The following IL12RB1 variants were observed in gnomAD, a reference collection of about 807,000 sequenced individuals.
IL12RB1 encodes interleukin-12 receptor subunit beta-1.
Under a neutral mutation model 94.4 loss-of-function variants are expected in IL12RB1, and 64 were observed. That is an observed-to-expected ratio of 0.68 (90% CI 0.55 to 0.83). The LOEUF (loss-of-function observed/expected upper bound fraction) is 0.83. Ranked by LOEUF, IL12RB1 falls within the 40% of genes least tolerant of loss-of-function variation. The pLI is 0.00. For missense variants in IL12RB1, 814 were observed against 855.6 expected (o/e 0.95, Z 0.61); for synonymous variants, 362 against 355.5 (o/e 1.02, Z -0.21).
intron 13 of IL12RB1, among the ~76,000 whole-genome samples, 153 bp from the exon 14 acceptor site, chr19:18,062,430 C>T (rs538881173): frequency 3.9e-5 from 6 of 152,104 alleles, no homozygotes; most frequent in African/African-American, 7.2e-5. Context: ...CCCACCTGCC[C>T]GGTAGCTGTC....
intron 4 of IL12RB1, 137 bp downstream of exon 4, chr19:18,080,695 C>T (rs927095600): frequency 8.1e-6 from 6 of 742,576 alleles, no homozygotes; most frequent in South Asian, 1.4e-5. Context: ...ATAGTGTTTG[C>T]GTGACACTAC....
In IL12RB1 at chr19:18,083,379, G is replaced by T. The variant is rs932691291; in HGVS notation, c.124+53C>A. The T allele has an allele frequency of 5.8e-6, 9 of 1,550,440 alleles. No individual in the cohort carries two copies. In the East Asian group the frequency reaches 1.3e-4, roughly 23 times the overall value. On this transcript the variant is annotated intron_variant, in intron 2 of 16. Coordinates refer to ENST00000593993, the MANE Select transcript of IL12RB1 (RefSeq NM_005535.3). Reference sequence around the variant, plus strand: ...CATGGGAGGGGCCGCTGTGGATGGGGTCAGGCAGAGCCCTACATAATCCTC... The same window carrying T: ...CATGGGAGGGGCCGCTGTGGATGGGTTCAGGCAGAGCCCTACATAATCCTC...
At chr19:18,059,686 A>G (rs1039912795) in intron 16 of IL12RB1, 73 bp from the exon 17 acceptor site, 39 of 776,862 alleles carry the variant, frequency 5.0e-5, no homozygotes, top group Non-Finnish European at 8.4e-5. Flanking sequence ...ATGTGAGTGG[A>G]TGGAATGGGC....
intron 13 of IL12RB1, among the ~76,000 whole-genome samples, chr19:18,062,662 C>T (rs17878350): frequency 0.16 from 23,685 of 151,912 alleles, 2,083 homozygotes; most frequent in South Asian, 0.32. Context: ...ATCCCAGCTA[C>T]TTGGGAGGGT....
intron 6 of IL12RB1, 59 bp downstream of exon 6, chr19:18,076,238 G>T: frequency 1.2e-6 from 1 of 856,216 alleles, no homozygotes; most frequent in Non-Finnish European, 2.0e-6. Context: ...CATACAGTAG[G>T]TGCTCAATTA....
chr19:18,072,407 G>A, intron 8 of IL12RB1, 58 bp from the exon 9 acceptor site: 1 of 1,086,374 alleles, frequency 9.2e-7, no homozygotes, highest in South Asian at 1.3e-5. Flanking sequence ...CATCCCATAG[G>A]CAGACAGCAG....
intron 9 of IL12RB1, among the ~76,000 whole-genome samples, chr19:18,071,660 T>C (rs961213725): frequency 2.6e-5 from 4 of 152,016 alleles, no homozygotes; most frequent in Non-Finnish European, 5.9e-5. Context: ...AACTGCATTA[T>C]GGATCTTGAT....
At chr19:18,084,660 GCCAT>G (rs61207801) in intron 1 of IL12RB1, among the ~76,000 whole-genome samples, 4,414 of 48,880 alleles carry the variant, frequency 0.09, 181 homozygotes, top group African/African-American at 0.24. Flanking sequence ...TATCCATCCA[GCCAT>G]CCATCCATCC....
upstream of IL12RB1, among the ~76,000 whole-genome samples, chr19:18,091,795 TC>T: frequency 6.6e-6 from 1 of 151,896 alleles, no homozygotes; most frequent in African/African-American, 2.4e-5. Context: ...CCTCCCAGTT[TC>T]AAGCTATCCT....
chr19:18,071,277 C>T (rs1305168852), intron 9 of IL12RB1: 1 of 510,730 alleles, frequency 2.0e-6, no homozygotes, highest in Non-Finnish European at 3.5e-6. Context: ...GAGGCTGAAG[C>T]AGGAGAATCT....
chr19:18,093,928 A>ATG (rs1383627830), intron 1 of IL12RB1, among the ~76,000 whole-genome samples: 2 of 152,120 alleles, frequency 1.3e-5, no homozygotes, highest in Non-Finnish European at 2.9e-5. Context: ...GCTTCCCTCC[A>ATG]TGTGGCCAAG....
chr19:18,060,541 G>A (rs1348646069), intron 15 of IL12RB1, among the ~76,000 whole-genome samples: 1 of 152,038 alleles, frequency 6.6e-6, no homozygotes, highest in South Asian at 2.1e-4. Context: ...CTCTTAGGAA[G>A]AGCACTCCCA....
chr19:18,082,124 T>C, intron 3 of IL12RB1, 26 bp downstream of exon 3: 2 of 1,406,966 alleles, frequency 1.4e-6, no homozygotes, highest in Non-Finnish European at 2.0e-6. Context: ...TGGGTGAGGG[T>C]TTGGGAATGG....
At chr19:18,084,553 C>T (rs116010937) in intron 1 of IL12RB1, among the ~76,000 whole-genome samples, 3,430 of 152,048 alleles carry the variant, frequency 0.023, 56 homozygotes, top group Non-Finnish European at 0.034. Flanking sequence ...ACCCAACCAT[C>T]CATCTATCCA....
At position 18,060,022 on chromosome 19, in the gene IL12RB1, C is replaced by T; in HGVS notation, c.1855G>A (p.Val619Ile). 6.2e-7 allele frequency: 1 copy of T among 1,604,508 alleles called. No homozygotes were observed. The highest frequency in any genetic ancestry group is 2.2e-5 in the East Asian group (1 of 44,806). The change falls in exon 16 of 17, where the codon GTA becomes ATA. Residue 619 changes from valine to isoleucine, a missense_variant. By Grantham distance (29) the Val-to-Ile change is conservative. Coordinates refer to ENST00000593993, the MANE Select transcript of IL12RB1 (RefSeq NM_005535.3). ...EEASLQEALV[V>I]EMSWDKGERT... ...TCGCCTTTGTCCCAGGACATCTCTA[C>T]CACCAGGGCCTCCTGCAGGGATGCC...
In IL12RB1 at chr19:18,082,229, G is replaced by T. The variant is rs367796048; in HGVS notation, c.160C>A (p.Arg54=). 1 of 1,613,516 alleles carries T rather than the reference G, an allele frequency of 6.2e-7. No homozygotes were observed. Among genetic ancestry groups the T allele is most frequent in the Non-Finnish European group, 8.5e-7 (1 of 1,179,598 alleles). ...CACTCGTAACGATCACTGGATATCC[G>T]ATAGCATCTCAGGTCCCTAGGGCCC... The part of the protein sequence containing the change: ...ASGPRDLRCY[R]ISSDRYECSW... The change falls in exon 3 of 17, where the codon CGG becomes AGG. Residue 54 remains arginine, a synonymous_variant. Transcript: ENST00000593993.
intron 1 of IL12RB1, among the ~76,000 whole-genome samples, chr19:18,095,029 AT>A (rs772313422): frequency 5.9e-5 from 9 of 152,018 alleles, no homozygotes; most frequent in Non-Finnish European, 1.2e-4. Flanking sequence ...AAATGCAAAA[AT>A]TAGCTGGGAG....
rs548785822 is a variant in IL12RB1, at chr19:18,066,681, T to C, written c.1344A>G (p.Thr448=). 6.2e-7 allele frequency: 1 copy of C among 1,608,158 alleles called. No individual in the cohort carries two copies. The highest frequency in any genetic ancestry group is 1.3e-5 in the African/African-American group (1 of 74,188). The change falls in exon 12 of 17, where the codon ACA becomes ACG. Residue 448 remains threonine, a synonymous_variant. Coordinates refer to ENST00000593993, the MANE Select transcript of IL12RB1 (RefSeq NM_005535.3). ...GATTCTTCACCGAGACGTGGTGCGG[T>C]GTCCCAGCTGCTGAGGCTGCAACCA... ...HFGGNASAAG[T]PHHVSVKNHS... is the part of the protein sequence containing the mutation.
chr19:18,088,123 C>T (rs1177029367), upstream of IL12RB1, among the ~76,000 whole-genome samples: 4 of 152,110 alleles, frequency 2.6e-5, no homozygotes, highest in Non-Finnish European at 4.4e-5. Flanking sequence ...CGCGGTGGCT[C>T]ACGCCTGTAA....
Sources: gnomAD v4.1 joint callset for allele counts (sites outside exome capture counted in the v4.1 genomes callset) on GRCh38, gnomAD v4.1.1 for gene constraint, MANE v1.5 for transcripts, NCBI Gene and HGNC (gene_info 2026-07-23, HGNC 2026-07-21) for gene names.